BRPF1: variants seen among roughly 807,000 people sequenced by gnomAD.
The protein encoded by BRPF1 is peregrin.
BRPF1 carries 15 observed loss-of-function variants against 115.0 expected under a neutral mutation model. The observed-to-expected ratio is 0.13, with a 90% CI of 0.09 to 0.20. BRPF1 has a LOEUF of 0.20. Ranked by LOEUF, BRPF1 falls within the 10% of genes least tolerant of loss-of-function variation. The probability of loss-of-function intolerance (pLI) is 1.00; values close to 1 mark genes in which losing one functional copy is unlikely to be tolerated. For synonymous variants in BRPF1, 647 were observed against 619.8 expected, an observed-to-expected ratio of 1.04 and a Z score of -0.65; for missense variants, 1,118 against 1,638.3, an observed-to-expected ratio of 0.68 and a Z score of 5.48.
At position 9,744,526 on chromosome 3, in the gene BRPF1, C is replaced by T. The variant is rs376282022; in HGVS notation, c.2920+18C>T. 1.3e-6 allele frequency: 2 copies of T among 1,492,014 alleles called. No individual in the cohort carries two copies. Among genetic ancestry groups the T allele is most frequent in the African/African-American group, 1.4e-5 (1 of 70,824 alleles). 92.4% of individuals were successfully genotyped at this position (1,492,014 alleles called of 1,614,324 possible). On this transcript the variant is annotated intron_variant, in intron 9 of 13. Coordinates refer to ENST00000383829, the MANE Select transcript of BRPF1 (RefSeq NM_001003694.2). Reference sequence around the variant, plus strand: ...CCCAATGGGTGAGCCTTACCATCACCCAGCCCCCCAAGAGAGTGAGCAAAG... The same window carrying T: ...CCCAATGGGTGAGCCTTACCATCACTCAGCCCCCCAAGAGAGTGAGCAAAG...
chr3:9,735,798 A>G (rs1224509767), intron 2 of BRPF1, among the ~76,000 whole-genome samples: 2 of 152,190 alleles, frequency 1.3e-5, no homozygotes, highest in Non-Finnish European at 2.9e-5. Flanking sequence ...ATCCTGGCTG[A>G]AGGATGGCAC....
At position 9,745,663 on chromosome 3, in the gene BRPF1, G is replaced by C; in HGVS notation, c.3159G>C (p.Glu1053Asp). ...EDSSEDTSGT[E>D]NEAYSVGTGR... is the part of the protein sequence containing the mutation. ...GCAGTGAGGATACCTCAGGCACTGAGAATGAGGCCTACTCCGTGGGCACTG... is the reference window on the plus strand; with the variant it reads ...GCAGTGAGGATACCTCAGGCACTGACAATGAGGCCTACTCCGTGGGCACTG... The change falls in exon 11 of 14, where the codon GAG (glutamate) becomes GAC (aspartate). Residue 1053 changes from glutamate to aspartate, a missense_variant. Physicochemically the swap from Glu to Asp is conservative, Grantham distance 45 (BLOSUM62 2). Around this residue, in one of 10 missense-constraint regions of BRPF1, gnomAD observed 100 missense variants for 109.9 expected, o/e 0.91. Coordinates refer to ENST00000383829, the MANE Select transcript of BRPF1 (RefSeq NM_001003694.2). This position sits in a 1 kb window ranked among gnomAD's most constrained non-coding sequence, Gnocchi z 5.1. 1 of 1,614,276 alleles carries C rather than the reference G, an allele frequency of 6.2e-7. No homozygotes were observed. Among genetic ancestry groups the C allele is most frequent in the Non-Finnish European group, 8.5e-7 (1 of 1,180,052 alleles).
chr3:9,746,969 C>T (rs2077137813), intron 13 of BRPF1, among the ~76,000 whole-genome samples, 197 bp from the exon 14 acceptor site: 1 of 152,094 alleles, frequency 6.6e-6, no homozygotes, highest in Non-Finnish European at 1.5e-5. Context: ...TGTGATTACC[C>T]TCCCGCCGCC....
At chr3:9,733,061 G>A (rs952043283) in intron 1 of BRPF1, 1 of 152,192 alleles carries the variant, frequency 6.6e-6, no homozygotes, top group African/African-American at 2.4e-5. Flanking sequence ...TGTACCCTTA[G>A]GGCCTGGCAC....
rs2076906418 is a variant in BRPF1, at chr3:9,734,446, C to G, written c.306C>G (p.Asp102Glu). 2 of 1,614,116 alleles carry G rather than the reference C, an allele frequency of 1.2e-6. No homozygotes were observed. The highest frequency in any genetic ancestry group is 8.5e-7 in the Non-Finnish European group (1 of 1,180,034). Residue 102 changes from aspartate to glutamate, a missense_variant, in exon 2 of 14, where the codon GAC (aspartate) becomes GAG (glutamate). Physicochemically the swap from Asp to Glu is conservative, Grantham distance 45 (BLOSUM62 2). Around this residue, in one of 10 missense-constraint regions of BRPF1, gnomAD observed 280 missense variants for 382.8 expected, o/e 0.73. Transcript: ENST00000383829. This position sits in a 1 kb window ranked among gnomAD's most constrained non-coding sequence, Gnocchi z 5.7. ...AGGCCCAGCGCATGGTGGAGGTGGACTTGCATGGCCGCGTCCACCGCATCA... is the reference window on the plus strand; with the variant it reads ...AGGCCCAGCGCATGGTGGAGGTGGAGTTGCATGGCCGCGTCCACCGCATCA... Reference protein sequence around the residue: ...YAQAQRMVEVDLHGRVHRISI... With the variant: ...YAQAQRMVEVELHGRVHRISI...
Position 9,747,448 on chromosome 3 carries a change from C to T in BRPF1, c.*99C>T. 6.9e-7 allele frequency: 1 copy of T among 1,458,176 alleles called. No homozygotes were observed. Among genetic ancestry groups the T allele is most frequent in the Non-Finnish European group, 9.4e-7 (1 of 1,067,804 alleles). 90.3% of individuals were successfully genotyped at this position (1,458,176 alleles called of 1,614,324 possible). On this transcript the variant is annotated 3_prime_UTR_variant, in exon 14 of 14. Transcript: ENST00000383829. This position sits in a 1 kb window ranked among gnomAD's most constrained non-coding sequence, Gnocchi z 5.6. ...CACCGGCCTCTGCACTGACTCATTTCTGGTCTTGGGGCCAGTCTCAGGGGA... is the reference window on the plus strand; with the variant it reads ...CACCGGCCTCTGCACTGACTCATTTTTGGTCTTGGGGCCAGTCTCAGGGGA...
rs1390963541 is a variant in BRPF1, at chr3:9,734,364, C to T, written c.224C>T (p.Ser75Leu). The T allele has an allele frequency of 3.7e-6, 6 of 1,613,998 alleles. No homozygotes were observed. The highest frequency in any genetic ancestry group is 5.1e-6 in the Non-Finnish European group (6 of 1,180,038). Residue 75 changes from serine (S) to leucine (L), a missense_variant, in exon 2 of 14, where the codon TCA (serine) becomes TTA (leucine). Ser to Leu is a moderately radical substitution (Grantham distance 145). Coordinates refer to ENST00000383829, the MANE Select transcript of BRPF1 (RefSeq NM_001003694.2). The surrounding 1 kb of genome is among the most constrained non-coding windows in gnomAD (Gnocchi z 5.7). Reference sequence around the variant, plus strand: ...CAGTCACGCCCAGCCAACAAGCAGTCACCCAGCCCCTCAGAGGTCTCACAG... The same window carrying T: ...CAGTCACGCCCAGCCAACAAGCAGTTACCCAGCCCCTCAGAGGTCTCACAG... Reference protein sequence around the residue: ...GRQSRPANKQSPSPSEVSQSP... With the variant: ...GRQSRPANKQLPSPSEVSQSP...
Position 9,746,267 on chromosome 3 carries a change from C to T in BRPF1, c.3325-33C>T. On this transcript the variant is annotated intron_variant, in intron 12 of 13. Coordinates refer to ENST00000383829, the MANE Select transcript of BRPF1 (RefSeq NM_001003694.2). ...AGGAAAAGCCTTGGGAGGACATGGA[C>T]TGAACCAAACTGGGCTCTTATTATA... 5 of 1,516,768 alleles carry T rather than the reference C, an allele frequency of 3.3e-6. No individual in the cohort carries two copies. In the South Asian group the frequency reaches 5.2e-5, roughly 16 times the overall value. 94.0% of individuals were successfully genotyped at this position (1,516,768 alleles called of 1,614,324 possible).
At chr3:9,741,486 A>G in intron 5 of BRPF1, 47 bp downstream of exon 5, 2 of 1,500,720 alleles carry the variant, frequency 1.3e-6, no homozygotes, top group South Asian at 1.3e-5. Context: ...AAAAACAAAA[A>G]ATTAGCCAGG....
In BRPF1 at chr3:9,743,511, T is replaced by C; in HGVS notation, c.2312-67T>C. The C allele has an allele frequency of 1.3e-6, 2 of 1,522,566 alleles. No individual in the cohort carries two copies. Among genetic ancestry groups the C allele is most frequent in the South Asian group, 2.5e-5 (2 of 80,096 alleles). 94.3% of individuals were successfully genotyped at this position (1,522,566 alleles called of 1,614,324 possible). A position where few individuals can be genotyped will look rare whatever the true frequency, so the allele number is the denominator to read the frequency against. ...GGGGATGAGTGGGTTTCTTGCTGCC[T>C]GCCCAGGTTCAAGGGGCCCTGAGGG... On this transcript the variant is annotated intron_variant, in intron 7 of 13. Transcript: ENST00000383829. The surrounding 1 kb of genome is among the most constrained non-coding windows in gnomAD (Gnocchi z 6.1).
In BRPF1 at chr3:9,742,016, C is replaced by G. The variant is rs1410488644; in HGVS notation, c.1855-9C>G. 6.2e-7 allele frequency: 1 copy of G among 1,614,014 alleles called. No individual in the cohort carries two copies. ...GAGGCCTGGCTGATCAGGCCTTTTT[C>G]TATGTTAGATCAAGGTTCAGCAGAT... On this transcript the variant is annotated splice_polypyrimidine_tract_variant and intron_variant, in intron 5 of 13. Transcript: ENST00000383829.
chr3:9,739,356 T>C lies in BRPF1; in HGVS notation c.957T>C (p.Arg319=). ...YIPEGQWLCR[R]CLQSPSRAVD... is the part of the protein sequence containing the mutation. Reference sequence around the variant, plus strand: ...CTGAGGGCCAGTGGCTGTGCCGCCGTTGCCTGCAGTCACCCTCTCGTGCTG... The same window carrying C: ...CTGAGGGCCAGTGGCTGTGCCGCCGCTGCCTGCAGTCACCCTCTCGTGCTG... The change falls in exon 3 of 14, where the codon CGT becomes CGC. Residue 319 remains arginine (R), a synonymous_variant. Coordinates refer to ENST00000383829, the MANE Select transcript of BRPF1 (RefSeq NM_001003694.2). 6.2e-7 allele frequency: 1 copy of C among 1,614,194 alleles called. No homozygotes were observed. Among genetic ancestry groups the C allele is most frequent in the East Asian group, 2.2e-5 (1 of 44,882 alleles).
Position 9,743,303 on chromosome 3 carries a change from C to T in BRPF1, c.2311+50C>T. Reference sequence around the variant, plus strand: ...ATAAGAGGCCAATGCCGGGGATGGACAGCTTTCCAAAAGTCCCCTCCTGGG... The same window carrying T: ...ATAAGAGGCCAATGCCGGGGATGGATAGCTTTCCAAAAGTCCCCTCCTGGG... On this transcript the variant is annotated intron_variant, in intron 7 of 13. Transcript: ENST00000383829. The surrounding 1 kb of genome is among the most constrained non-coding windows in gnomAD (Gnocchi z 6.1). 6.4e-7 allele frequency: 1 copy of T among 1,563,932 alleles called. No homozygotes were observed. Among genetic ancestry groups the T allele is most frequent in the Non-Finnish European group, 8.7e-7 (1 of 1,152,728 alleles).
At chr3:9,744,944 A>G (rs1488442031) in intron 9 of BRPF1, 64 bp from the exon 10 acceptor site, 24 of 1,606,024 alleles carry the variant, frequency 1.5e-5, no homozygotes, top group Non-Finnish European at 1.8e-5. Flanking sequence ...TCTTACCTCC[A>G]TGTCATCTCT....
At position 9,745,117 on chromosome 3, in the gene BRPF1, C is replaced by T; in HGVS notation, c.3030C>T (p.Ser1010=). ...GGAGCAGCTCAGACTCTGAGTCCAG[C>T]AGCAGTAGCAGTAGCAGCGCTGCTT... ...LPRSSSDSES[S]SSSSSSAASD... The change falls in exon 10 of 14, where the codon AGC becomes AGT. Residue 1010 remains serine, a synonymous_variant. Coordinates refer to ENST00000383829, the MANE Select transcript of BRPF1 (RefSeq NM_001003694.2). This position sits in a 1 kb window ranked among gnomAD's most constrained non-coding sequence, Gnocchi z 5.1. 1 of 1,614,236 alleles carries T rather than the reference C, an allele frequency of 6.2e-7. No homozygotes were observed. The highest frequency in any genetic ancestry group is 8.5e-7 in the Non-Finnish European group (1 of 1,180,048).
chr3:9,732,306 C>T (rs761408472), intron 1 of BRPF1, among the ~76,000 whole-genome samples, 168 bp downstream of exon 1: 120 of 152,338 alleles, frequency 7.9e-4, no homozygotes, highest in Non-Finnish European at 1.1e-3. Context: ...AACAGTGTAT[C>T]TTTCGGGGCT....
chr3:9,734,115 G>T lies in BRPF1; in HGVS notation c.-10-16G>T, dbSNP rs557815695. ...ACTCATCCCCAGCCTTATGTTAACTGATCTGTGTATTCTAGATGTGACAGC... is the reference window on the plus strand; with the variant it reads ...ACTCATCCCCAGCCTTATGTTAACTTATCTGTGTATTCTAGATGTGACAGC... On this transcript the variant is annotated splice_polypyrimidine_tract_variant and intron_variant, in intron 1 of 13. Coordinates refer to ENST00000383829, the MANE Select transcript of BRPF1 (RefSeq NM_001003694.2). This position sits in a 1 kb window ranked among gnomAD's most constrained non-coding sequence, Gnocchi z 5.7. 48 of 1,563,556 alleles carry T rather than the reference G, an allele frequency of 3.1e-5. No individual in the cohort carries two copies. In the East Asian group the frequency reaches 1.1e-3, roughly 35 times the overall value.
intron 2 of BRPF1, 58 bp from the exon 3 acceptor site, chr3:9,738,941 A>G (rs2076985126): frequency 6.7e-7 from 1 of 1,497,584 alleles, no homozygotes; most frequent in South Asian, 1.4e-5. Context: ...ATGACCCATC[A>G]TCTTTAAGGG....
chr3:9,740,810 C>A lies in BRPF1; in HGVS notation c.1591C>A (p.Gln531Lys). The A allele has an allele frequency of 6.2e-7, 1 of 1,614,146 alleles. No homozygotes were observed. The change falls in exon 4 of 14, where the codon CAA (glutamine) becomes AAA (lysine). Residue 531 changes from glutamine (Q) to lysine (K), a missense_variant. Physicochemically the swap from Gln to Lys is moderately conservative, Grantham distance 53. Transcript: ENST00000383829. The part of the protein sequence containing the change: ...LSKITNRLTI[Q>K]RKSQFMQRLH... ...TAAAATCACCAACCGCCTGACCATC[C>A]AAAGGAAGAGCCAGTTCATGCAGAG...
Sources: gnomAD v4.1 joint callset for allele counts (sites outside exome capture counted in the v4.1 genomes callset) on GRCh38, gnomAD v4.1.1 for gene constraint, gnomAD v4.1.1 regional missense constraint, Gnocchi (gnomAD v3.1) non-coding constraint, MANE v1.5 for transcripts, NCBI Gene and HGNC (gene_info 2026-07-23, HGNC 2026-07-21) for gene names.